The following NRXN2 variants were observed in gnomAD, a reference collection of about 807,000 sequenced individuals.
NRXN2 encodes the protein neurexin 2, also known as neurexin-2-beta.
Under a neutral mutation model 128.8 loss-of-function variants are expected in NRXN2, and 29 were observed. The ratio of observed to expected loss-of-function variants is 0.23; its 90% CI spans 0.17 to 0.31. NRXN2 has a LOEUF of 0.31. NRXN2 is among the 10% of genes least tolerant of loss of function. The probability of loss-of-function intolerance (pLI) is 1.00; values close to 1 mark genes in which losing one functional copy is unlikely to be tolerated. For missense variants in NRXN2, 1,881 were observed against 2,452.6 expected, an observed-to-expected ratio of 0.77 and a Z score of 4.92; for synonymous variants, 1,098 against 1,075.2, an observed-to-expected ratio of 1.02 and a Z score of -0.41.
rs1295376107 is a variant in NRXN2 at position 64,631,902 on chromosome 11, C to A, written c.3586-1329G>T. 6.6e-6 allele frequency among the ~76,000 whole-genome samples: 1 copy of A among 152,220 alleles called. No homozygotes were observed. The highest frequency in any genetic ancestry group is 1.5e-5 in the Non-Finnish European group (1 of 68,038). On this transcript the variant is annotated intron_variant, in intron 18 of 22. Coordinates refer to ENST00000265459, the MANE Select transcript of NRXN2 (RefSeq NM_015080.4). The surrounding 1 kb of genome is among the most constrained non-coding windows in gnomAD (Gnocchi z 4.8). ...ACGCGGTCTCAGCCCTCCTCCCACA[C>A]GGAACAGACACTCACACAGGTTCAC...
chr11:64,707,304 G>A (rs550406724), intron 2 of NRXN2, among the ~76,000 whole-genome samples: 4 of 151,578 alleles, frequency 2.6e-5, no homozygotes, highest in African/African-American at 7.3e-5. Context: ...GGAGAATGGC[G>A]TGAACCCGGG....
chr11:64,650,341 T>G (rs2047287417), intron 15 of NRXN2, 107 bp downstream of exon 15: 1 of 1,143,102 alleles, frequency 8.7e-7, no homozygotes, highest in African/African-American at 1.5e-5. Flanking sequence ...AGGTGGAAAC[T>G]GGGGGCAGGG....
rs1315020069 is a variant in NRXN2, at chr11:64,631,920, A to G, written c.3586-1347T>C. On this transcript the variant is annotated intron_variant, in intron 18 of 22. Transcript: ENST00000265459. This position sits in a 1 kb window ranked among gnomAD's most constrained non-coding sequence, Gnocchi z 4.8. Reference sequence around the variant, plus strand: ...TCCCACACGGAACAGACACTCACACAGGTTCACTCAAACCCCCTGGCTCAC... The same window carrying G: ...TCCCACACGGAACAGACACTCACACGGGTTCACTCAAACCCCCTGGCTCAC... Among the ~76,000 whole-genome samples, 1 of 152,188 alleles carries G rather than the reference A, an allele frequency of 6.6e-6. No individual in the cohort carries two copies. The highest frequency in any genetic ancestry group is 2.4e-5 in the African/African-American group (1 of 41,442).
intron 2 of NRXN2, among the ~76,000 whole-genome samples, chr11:64,704,670 A>G (rs2056023511): frequency 6.8e-6 from 1 of 146,698 alleles, no homozygotes; most frequent in Non-Finnish European, 1.5e-5. Context: ...AGAGAGAGAG[A>G]GATGTCAGTT....
At chr11:64,696,230 C>T (rs1483849266) in intron 3 of NRXN2, among the ~76,000 whole-genome samples, 2 of 152,018 alleles carry the variant, frequency 1.3e-5, no homozygotes, top group Non-Finnish European at 1.5e-5. Flanking sequence ...CAGAAGGCTG[C>T]GTCCACCCAG....
At chr11:64,697,003 A>G (rs1391281882) in intron 3 of NRXN2, among the ~76,000 whole-genome samples, 1 of 152,238 alleles carries the variant, frequency 6.6e-6, no homozygotes, top group African/African-American at 2.4e-5. Context: ...CACATGGTCC[A>G]GGGACAGAGT....
Position 64,665,474 on chromosome 11 carries a change from C to T in NRXN2, c.1798+1776G>A, listed in dbSNP as rs551858821. Among the ~76,000 whole-genome samples, 4 of 152,294 alleles carry T rather than the reference C, an allele frequency of 2.6e-5. No homozygotes were observed. In the South Asian group the frequency reaches 8.3e-4, roughly 32 times the overall value. ...CTGCAAGGCTTGGGCAGACGTCCAA[C>T]CTAGAGTGTTACTGACCACCTGGTA... On this transcript the variant is annotated intron_variant, in intron 9 of 22. Transcript: ENST00000265459.
intron 17 of NRXN2, chr11:64,642,792 C>T: frequency 8.6e-7 from 1 of 1,157,368 alleles, no homozygotes; most frequent in Admixed American, 4.7e-5. Flanking sequence ...GCCCGCTCCC[C>T]CCGGGGGGCA....
intron 2 of NRXN2, among the ~76,000 whole-genome samples, chr11:64,709,582 C>T (rs956648055): frequency 2.6e-5 from 4 of 152,122 alleles, no homozygotes; most frequent in Non-Finnish European, 5.9e-5. Flanking sequence ...CCCCCATGCC[C>T]ACCCACAACA....
rs1316558579 is a variant in NRXN2 at position 64,706,016 on chromosome 11, T to C, written c.730+6954A>G. On this transcript the variant is annotated intron_variant, in intron 2 of 22. Coordinates refer to ENST00000265459, the MANE Select transcript of NRXN2 (RefSeq NM_015080.4). ...CCAATTGATTTCTTCACTACATAAC[T>C]CTATAATCCCTCTGCACTTCACTCC... is the stretch of plus-strand genomic sequence containing the variant. 3.2e-5 allele frequency among the ~76,000 whole-genome samples: 4 copies of C among 126,086 alleles called. No individual in the cohort carries two copies. The Admixed American group carries it at 3.3e-4, about 10-fold the overall frequency. The allele number at this position is 126,086 out of a possible 152,430, so 82.7% of individuals were successfully genotyped here.
In NRXN2 at chr11:64,660,712, G is replaced by A. The variant is rs2048909760; in HGVS notation, c.2185+41C>T. On this transcript the variant is annotated intron_variant, in intron 10 of 22. Transcript: ENST00000265459. The surrounding 1 kb of genome is among the most constrained non-coding windows in gnomAD (Gnocchi z 5.2). ...GTCACCCTGAGAAGGAGGAGCACAG[G>A]GATAGGGAGCAGGGACACCTAGGAT... is the stretch of plus-strand genomic sequence containing the variant. 1.9e-6 allele frequency: 3 copies of A among 1,605,190 alleles called. No individual in the cohort carries two copies. In the African/African-American group the frequency reaches 4.0e-5, roughly 21 times the overall value.
chr11:64,644,047 G>A (rs2135426552), intron 17 of NRXN2, among the ~76,000 whole-genome samples: 2 of 152,070 alleles, frequency 1.3e-5, no homozygotes, highest in South Asian at 4.2e-4. Flanking sequence ...AGGCACACAG[G>A]CTCAGACACA....
chr11:64,697,074 G>C (rs1407605599), intron 3 of NRXN2, among the ~76,000 whole-genome samples: 1 of 152,062 alleles, frequency 6.6e-6, no homozygotes, highest in Non-Finnish European at 1.5e-5. Flanking sequence ...CAAAACAGGA[G>C]ATAAAGAAAG....
At chr11:64,637,591 G>A (rs2044948564) in intron 17 of NRXN2, 1 of 152,480 alleles carries the variant, frequency 6.6e-6, no homozygotes, top group Admixed American at 6.5e-5. Flanking sequence ...GCGGGCCAGG[G>A]GAGCAGAGAT....
chr11:64,614,999 G>A (rs919360556), intron 22 of NRXN2, among the ~76,000 whole-genome samples: 4 of 152,212 alleles, frequency 2.6e-5, no homozygotes, highest in South Asian at 2.1e-4. Context: ...CAGGCAAGCC[G>A]GTGACAAATA....
intron 7 of NRXN2, among the ~76,000 whole-genome samples, chr11:64,673,172 G>A (rs1300325586): frequency 6.6e-6 from 1 of 152,132 alleles, no homozygotes; most frequent in Non-Finnish European, 1.5e-5. Context: ...CCTGCTACTT[G>A]CAGTCCAGGC....
chr11:64,642,779 C>A, intron 17 of NRXN2: 1 of 1,174,888 alleles, frequency 8.5e-7, no homozygotes, highest in Non-Finnish European at 1.1e-6. Flanking sequence ...GGGCACCCCC[C>A]CGGCCCGCTC....
Position 64,623,819 on chromosome 11 carries a change from C to T in NRXN2, c.3848-741G>A, listed in dbSNP as rs1320566822. The T allele has an allele frequency of 2.0e-5, 3 of 152,436 alleles. No homozygotes were observed. Among genetic ancestry groups the T allele is most frequent in the Non-Finnish European group, 4.4e-5 (3 of 68,246 alleles). The allele number at this position is 152,436 out of a possible 1,614,324, so 9.4% of individuals were successfully genotyped here. A position where few individuals can be genotyped will look rare whatever the true frequency, so the allele number is the denominator to read the frequency against. On this transcript the variant is annotated intron_variant, in intron 20 of 22. Transcript: ENST00000265459. The surrounding 1 kb of genome is among the most constrained non-coding windows in gnomAD (Gnocchi z 4.9). ...CAGAAGTGGAAAATGTTAAAGGGACCTTGCTTCGCTCACTGACAGCCAATA... is the reference window on the plus strand; with the variant it reads ...CAGAAGTGGAAAATGTTAAAGGGACTTTGCTTCGCTCACTGACAGCCAATA...
chr11:64,699,425 CT>C (rs67776872), intron 2 of NRXN2, among the ~76,000 whole-genome samples: 1,323 of 91,982 alleles, frequency 0.014, 14 homozygotes, highest in African/African-American at 0.055. Flanking sequence ...TAATAGTTTT[CT>C]TTTTTTTTTT....
Sources: allele counts gnomAD v4.1 joint callset (sites outside exome capture counted in the v4.1 genomes callset), GRCh38; gene constraint gnomAD v4.1.1; non-coding constraint Gnocchi (gnomAD v3.1); transcripts MANE v1.5; gene names NCBI Gene and HGNC (gene_info 2026-07-23, HGNC 2026-07-21).